RIF1: variants seen among roughly 807,000 people sequenced by gnomAD.
RIF1 encodes the protein replication timing regulatory factor 1.
A neutral mutation model predicts 247.1 loss-of-function variants in RIF1; 45 were observed. The ratio of observed to expected loss-of-function variants is 0.18; its 90% CI spans 0.14 to 0.23. The LOEUF (loss-of-function observed/expected upper bound fraction) is 0.23, where lower values mean the gene tolerates loss of function less well. RIF1 is among the 10% of genes least tolerant of loss of function. The pLI is 1.00. For synonymous variants in RIF1, 1,087 were observed against 978.8 expected, an observed-to-expected ratio of 1.11 and a Z score of -2.06; for missense variants, 2,967 against 2,862.5, an observed-to-expected ratio of 1.04 and a Z score of -0.83.
At chr2:151,474,503 C>CA (rs1476953281) in intron 35 of RIF1, among the ~76,000 whole-genome samples, 2 of 152,176 alleles carry the variant, frequency 1.3e-5, no homozygotes, top group African/African-American at 4.8e-5. Flanking sequence ...ACATGAAACC[C>CA]AGCACCTACT....
rs2049126565 is a variant in RIF1 at position 151,480,621 on chromosome 2, A to G, written c.*5550A>G. On this transcript the variant is annotated 3_prime_UTR_variant, in exon 36 of 36. Coordinates refer to ENST00000444746, the MANE Select transcript of RIF1 (RefSeq NM_018151.5). ...AGTAAGTTAATAAGTATTTCCAACA[A>G]AAGGCAGCTTTGTTTCTTAAACGGA... 6.6e-6 allele frequency: 1 copy of G among 152,236 alleles called. No homozygotes were observed. 9.4% of individuals were successfully genotyped at this position (152,236 alleles called of 1,614,324 possible).
In RIF1 at chr2:151,464,934, ATACTAT is replaced by A. The variant is rs745690987; in HGVS notation, c.5417_5422del (p.Thr1806_Ile1807del). On this transcript the variant is annotated inframe_deletion, in exon 30 of 36. Transcript: ENST00000444746. ...CATTTGGGTCTCAAAGAGGATAATG[ATACTAT>A]TAATGATTCATTAATTGTTTCTGAA... 14 of 1,573,534 alleles carry A rather than the reference ATACTAT, an allele frequency of 8.9e-6. No homozygotes were observed. The highest frequency in any genetic ancestry group is 1.2e-5 in the Non-Finnish European group (14 of 1,166,784).
intron 9 of RIF1, among the ~76,000 whole-genome samples, chr2:151,490,772 T>C (rs1481837128): frequency 6.6e-6 from 1 of 152,174 alleles, no homozygotes; most frequent in African/African-American, 2.4e-5. Flanking sequence ...AAGAGTCTAT[T>C]TGTAACATCT....
intron 7 of RIF1, 59 bp from the exon 8 acceptor site, chr2:151,422,891 T>C (rs1489976132): frequency 1.2e-6 from 1 of 866,404 alleles, no homozygotes; most frequent in East Asian, 2.5e-5. Flanking sequence ...TCCTAGACTT[T>C]GGTATTGGAT....
chr2:151,469,481 A>G (rs1697461235), intron 33 of RIF1, among the ~76,000 whole-genome samples: 1 of 152,156 alleles, frequency 6.6e-6, no homozygotes, highest in Non-Finnish European at 1.5e-5. Context: ...TGTATGTAGA[A>G]GCACAAGGCA....
At chr2:151,501,258 G>A (rs771079628) in intron 11 of RIF1, 11 of 564,702 alleles carry the variant, frequency 1.9e-5, no homozygotes, top group Admixed American at 1.8e-4. Context: ...CTGGAAAACA[G>A]AAGGATTCAG....
downstream of RIF1, chr2:151,482,254 TA>T (rs1484283457): frequency 6.6e-6 from 1 of 152,228 alleles, no homozygotes; most frequent in East Asian, 1.9e-4. Context: ...ATGAATAGTT[TA>T]ATTCAAATAC....
intron 12 of RIF1, 52 bp from the exon 13 acceptor site, chr2:151,437,189 T>C: frequency 7.1e-7 from 1 of 1,415,468 alleles, no homozygotes. Flanking sequence ...GTGAGAAATG[T>C]ATTTCATAAA....
chr2:151,467,344 T>C (rs372330721), intron 30 of RIF1, among the ~76,000 whole-genome samples: 3 of 152,202 alleles, frequency 2.0e-5, no homozygotes, highest in African/African-American at 7.2e-5. Context: ...GTTTTTTGTT[T>C]TGTTTGTTTG....
At chr2:151,510,108 C>T (rs1259953317), downstream of RIF1, among the ~76,000 whole-genome samples, 4 of 152,126 alleles carry the variant, frequency 2.6e-5, no homozygotes, top group East Asian at 7.7e-4. Context: ...TCCTCTGGAG[C>T]CTCAGTAAAT....
chr2:151,489,828 T>C lies in RIF1; in HGVS notation c.*416-5401T>C, dbSNP rs1265647716. ...AGATAATGAAAGTTTTCTGATATCA[T>C]TAATATGAAACATGTAATAAAAGAG... is the stretch of plus-strand genomic sequence containing the variant. On this transcript the variant is annotated intron_variant and NMD_transcript_variant, in intron 9 of 13. Transcript: ENST00000454583. 5.8e-6 allele frequency: 3 copies of C among 520,748 alleles called. No homozygotes were observed. The African/African-American group carries it at 5.9e-5, about 10-fold the overall frequency. 32.3% of individuals were successfully genotyped at this position (520,748 alleles called of 1,614,324 possible).
Position 151,463,839 on chromosome 2 carries a change from A to T in RIF1, c.4319A>T (p.Lys1440Ile), listed in dbSNP as rs1559015234. The change falls in exon 30 of 36, where the codon AAA (lysine) becomes ATA (isoleucine). Residue 1440 changes from lysine (K) to isoleucine (I), a missense_variant. By Grantham distance (102) the Lys-to-Ile change is moderately radical (BLOSUM62 -3). Around this residue, in one of 7 missense-constraint regions of RIF1, gnomAD observed 2,028 missense variants for 1,825.6 expected, o/e 1.11. Transcript: ENST00000444746. ...CAAGATAAGGAAAATAGTCATCAAA[A>T]AAAGGAACGACGTAAGGAAGAAGAA... ...ESQDKENSHQ[K>I]KERRKEEEKP... The T allele has an allele frequency of 6.2e-7, 1 of 1,611,820 alleles. No individual in the cohort carries two copies. The highest frequency in any genetic ancestry group is 8.5e-7 in the Non-Finnish European group (1 of 1,179,502).
intron 29 of RIF1, 63 bp downstream of exon 29, chr2:151,462,529 A>C (rs1696347974): frequency 9.6e-7 from 1 of 1,037,724 alleles, no homozygotes; most frequent in Non-Finnish European, 1.4e-6. Context: ...CAGTCTGTTA[A>C]ACTGCTGAAA....
chr2:151,481,402 C>T lies in RIF1; in HGVS notation c.*6331C>T, dbSNP rs145448624. On this transcript the variant is annotated 3_prime_UTR_variant, in exon 36 of 36. Coordinates refer to ENST00000444746, the MANE Select transcript of RIF1 (RefSeq NM_018151.5). ...TACTTAAACTCTCAAACTACAGTTACGTATTTGCCATGATGTTAAGGGACC... is the reference window on the plus strand; with the variant it reads ...TACTTAAACTCTCAAACTACAGTTATGTATTTGCCATGATGTTAAGGGACC... 5 of 152,256 alleles carry T rather than the reference C, an allele frequency of 3.3e-5. No individual in the cohort carries two copies. Among genetic ancestry groups the T allele is most frequent in the East Asian group, 1.9e-4 (1 of 5,180 alleles). 9.4% of individuals were successfully genotyped at this position (152,256 alleles called of 1,614,324 possible).
intron 13 of RIF1, among the ~76,000 whole-genome samples, 166 bp downstream of exon 13, chr2:151,437,517 CCT>C (rs1691455912): frequency 6.6e-6 from 1 of 152,022 alleles, no homozygotes; most frequent in African/African-American, 2.4e-5. Flanking sequence ...ATGACAAAAC[CCT>C]GTCTCTACAA....
Position 151,467,422 on chromosome 2 carries a change from G to A in RIF1, c.6601-578G>A, listed in dbSNP as rs563940007. 3.3e-5 allele frequency among the ~76,000 whole-genome samples: 5 copies of A among 152,032 alleles called. No homozygotes were observed. The South Asian group carries it at 8.3e-4, about 25-fold the overall frequency. On this transcript the variant is annotated intron_variant, in intron 30 of 35. Transcript: ENST00000444746. The stretch of plus-strand genomic sequence containing the variant: ...TGCAGTGGCACGATCTTGGCTCACT[G>A]CATGCTCTGCCTCCCGGGTTCAAGC...
intron 20 of RIF1, among the ~76,000 whole-genome samples, chr2:151,447,927 C>T (rs947455462): frequency 1.3e-5 from 2 of 152,066 alleles, no homozygotes; most frequent in South Asian, 2.1e-4. Flanking sequence ...ACACAGAAAC[C>T]GTTGTTTTTC....
intron 9 of RIF1, among the ~76,000 whole-genome samples, chr2:151,432,116 C>T (rs1179776156): frequency 1.3e-5 from 2 of 152,110 alleles, no homozygotes; most frequent in African/African-American, 2.4e-5. Context: ...CCAAGCGAGT[C>T]TCCTGCCTTA....
chr2:151,454,898 C>G lies in RIF1; in HGVS notation c.2348C>G (p.Pro783Arg), dbSNP rs749984397. The change falls in exon 22 of 36, where the codon CCA (proline) becomes CGA (arginine). Residue 783 changes from proline (P) to arginine (R), a missense_variant. Around this residue, in one of 7 missense-constraint regions of RIF1, gnomAD observed 2,028 missense variants for 1,825.6 expected, o/e 1.11. Transcript: ENST00000444746. ...TTAATTCAGTTTTTGTTTTTAGCAC[C>G]ACAGAGACCTTCAGATTGGTCCAAA... ...NIKYQPKVKS[P>R]QRPSDWSKKK... The G allele has an allele frequency of 6.3e-7, 1 of 1,582,274 alleles. No individual in the cohort carries two copies. Among genetic ancestry groups the G allele is most frequent in the Non-Finnish European group, 8.6e-7 (1 of 1,164,266 alleles).
Sources: gnomAD v4.1 joint callset for allele counts (sites outside exome capture counted in the v4.1 genomes callset) on GRCh38, gnomAD v4.1.1 for gene constraint, gnomAD v4.1.1 regional missense constraint, MANE v1.5 for transcripts, NCBI Gene and HGNC (gene_info 2026-07-23, HGNC 2026-07-21) for gene names.